Variants in PTPRK observed in about 807,000 individuals in gnomAD.
PTPRK encodes the protein protein tyrosine phosphatase receptor type K.
PTPRK carries 75 observed loss-of-function variants against 178.0 expected under a neutral mutation model. The ratio of observed to expected loss-of-function variants is 0.42; its 90% confidence interval spans 0.35 to 0.51. The LOEUF (loss-of-function observed/expected upper bound fraction) is 0.51, where lower values mean the gene tolerates loss of function less well. PTPRK is among the 20% of genes least tolerant of loss of function. The pLI is 0.02. For missense variants in PTPRK, 1,441 were observed against 1,797.8 expected, an observed-to-expected ratio of 0.80 and a Z score of 3.59; for synonymous variants, 637 against 620.6, an observed-to-expected ratio of 1.03 and a Z score of -0.39.
intron 2 of PTPRK, among the ~76,000 whole-genome samples, chr6:128,359,093 C>A (rs1172152639): frequency 1.3e-5 from 2 of 152,220 alleles, no homozygotes; most frequent in South Asian, 2.1e-4. Context: ...AGGATACTGG[C>A]ACTCAAATGT....
intron 2 of PTPRK, among the ~76,000 whole-genome samples, chr6:128,356,347 T>C (rs1833960582): frequency 6.6e-6 from 1 of 152,190 alleles, no homozygotes; most frequent in Non-Finnish European, 1.5e-5. Flanking sequence ...ACTTCCTCAT[T>C]TGCATGGCGA....
At position 128,005,198 on chromosome 6, in the gene PTPRK, C is replaced by G; in HGVS notation, c.2380G>C (p.Glu794Gln). ...ATTGCATTCACCATGTGAGTCATCT[C>G]CTGCCGGGTATTCCCCATGGCATCT... is the stretch of plus-strand genomic sequence containing the variant. ...RKDAMGNTRQ[E>Q]MTHMVNAMDR... Residue 794 changes from glutamate to glutamine, a missense_variant, in exon 15 of 30, where the codon GAG (glutamate) becomes CAG (glutamine). This residue lies in a region of PTPRK where 945 missense variants were observed against 1,080.6 expected (regional missense o/e 0.87). Coordinates refer to ENST00000368226, the MANE Select transcript of PTPRK (RefSeq NM_002844.4). The G allele has an allele frequency of 6.2e-7, 1 of 1,611,526 alleles. No homozygotes were observed. The highest frequency in any genetic ancestry group is 1.7e-4 in the Middle Eastern group (1 of 6,042).
rs1854316656 is a variant in PTPRK, at chr6:128,494,182, G to A, written c.100+26077C>T. On this transcript the variant is annotated intron_variant, in intron 1 of 29. Transcript: ENST00000368226. ...GCCACCGCACTCCAGCCTGGGTAAT[G>A]TAGCAAGACCCTGTATCTTAAAAAA... Among the ~76,000 whole-genome samples the A allele has an allele frequency of 2.3e-5, 3 of 133,194 alleles. No individual in the cohort carries two copies. The South Asian group carries it at 7.4e-4, about 33-fold the overall frequency. 87.4% of individuals were successfully genotyped at this position (133,194 alleles called of 152,430 possible).
intron 1 of PTPRK, among the ~76,000 whole-genome samples, chr6:128,431,041 C>T (rs1218132818): frequency 2.0e-5 from 3 of 150,180 alleles, no homozygotes; most frequent in African/African-American, 7.4e-5. Flanking sequence ...CAAGTTCAGG[C>T]AGTTGTCCTG....
chr6:128,131,872 A>C (rs17055368), intron 7 of PTPRK, among the ~76,000 whole-genome samples: 3,878 of 152,312 alleles, frequency 0.025, 76 homozygotes, highest in Middle Eastern at 0.095. Flanking sequence ...ATGAGTCATC[A>C]CTTTTTTGTT....
At chr6:128,510,473 AG>A (rs1436775053) in intron 1 of PTPRK, among the ~76,000 whole-genome samples, 1 of 152,252 alleles carries the variant, frequency 6.6e-6, no homozygotes, top group African/African-American at 2.4e-5. Flanking sequence ...CAGAGGTTAG[AG>A]GATCAAAATT....
chr6:128,440,615 A>G (rs1846159088), intron 1 of PTPRK, among the ~76,000 whole-genome samples: 1 of 152,160 alleles, frequency 6.6e-6, no homozygotes, highest in Non-Finnish European at 1.5e-5. Context: ...GTGTGTGTAT[A>G]TATACAATCA....
intron 2 of PTPRK, among the ~76,000 whole-genome samples, chr6:128,359,526 T>C (rs1041323411): frequency 6.6e-6 from 1 of 151,208 alleles, no homozygotes; most frequent in Non-Finnish European, 1.5e-5. Context: ...CTGAGGCGGG[T>C]GGATCACCTG....
intron 7 of PTPRK, among the ~76,000 whole-genome samples, chr6:128,133,650 G>A (rs1207613884): frequency 6.6e-6 from 1 of 151,408 alleles, no homozygotes; most frequent in Non-Finnish European, 1.5e-5. Context: ...AAACAGAAAA[G>A]CTACAAGCAA....
intron 3 of PTPRK, among the ~76,000 whole-genome samples, chr6:128,282,911 A>G (rs1378348069): frequency 1.3e-5 from 2 of 152,208 alleles, no homozygotes; most frequent in Non-Finnish European, 2.9e-5. Flanking sequence ...GGTAGTTGGG[A>G]TGAAAATGAA....
At chr6:128,035,868 T>C (rs1776125017) in intron 13 of PTPRK, among the ~76,000 whole-genome samples, 1 of 152,200 alleles carries the variant, frequency 6.6e-6, no homozygotes, top group South Asian at 2.1e-4. Flanking sequence ...GTCTGCATAA[T>C]TAGTAGTTGC....
intron 3 of PTPRK, among the ~76,000 whole-genome samples, chr6:128,260,991 C>G (rs2128293319): frequency 6.6e-6 from 1 of 152,208 alleles, no homozygotes; most frequent in Admixed American, 6.5e-5. Context: ...AGGCTGAGGT[C>G]TCTACTTAGT....
intron 3 of PTPRK, among the ~76,000 whole-genome samples, chr6:128,294,116 T>C (rs566162384): frequency 1.3e-5 from 2 of 152,270 alleles, no homozygotes; most frequent in South Asian, 2.1e-4. Flanking sequence ...TTTGATACAT[T>C]AGTAAACTAA....
chr6:127,993,094 T>A (rs1259136852), intron 18 of PTPRK, among the ~76,000 whole-genome samples: 2 of 151,666 alleles, frequency 1.3e-5, no homozygotes, highest in Admixed American at 1.3e-4. Flanking sequence ...ACACACTGCA[T>A]TACAAATGGA....
intron 7 of PTPRK, among the ~76,000 whole-genome samples, chr6:128,158,068 A>G (rs999488319): frequency 2.0e-5 from 3 of 151,914 alleles, no homozygotes; most frequent in Non-Finnish European, 4.4e-5. Flanking sequence ...TTATGGTTTT[A>G]GGTCTAACAT....
intron 1 of PTPRK, among the ~76,000 whole-genome samples, chr6:128,462,625 T>TTTTTTTTA (rs780000939): frequency 6.7e-4 from 96 of 143,010 alleles, no homozygotes; most frequent in Middle Eastern, 3.6e-3. Context: ...AGTAGGTATA[T>TTTTTTTTA]TTTATTTATT....
intron 13 of PTPRK, among the ~76,000 whole-genome samples, chr6:128,038,760 C>T (rs1345984867): frequency 6.6e-6 from 1 of 152,044 alleles, no homozygotes; most frequent in Non-Finnish European, 1.5e-5. Context: ...CAAAGTGCAA[C>T]AAAATGCACC....
intron 6 of PTPRK, among the ~76,000 whole-genome samples, chr6:128,209,589 A>C (rs1384320121): frequency 6.6e-6 from 1 of 152,160 alleles, no homozygotes; most frequent in Admixed American, 6.6e-5. Flanking sequence ...ATGGCACTTT[A>C]TACCTCACTA....
intron 7 of PTPRK, among the ~76,000 whole-genome samples, chr6:128,117,901 C>T (rs916641515): frequency 2.0e-5 from 3 of 152,278 alleles, no homozygotes; most frequent in Non-Finnish European, 1.5e-5. Context: ...AATCCACCCA[C>T]GTCGGCCAAA....
Sources: gnomAD v4.1 joint callset for allele counts (sites outside exome capture counted in the v4.1 genomes callset) on GRCh38, gnomAD v4.1.1 for gene constraint, gnomAD v4.1.1 regional missense constraint, MANE v1.5 for transcripts, NCBI Gene and HGNC (gene_info 2026-07-23, HGNC 2026-07-21) for gene names.